Variants in PLEKHB2 observed in about 807,000 individuals in gnomAD.
PLEKHB2 encodes the protein pleckstrin homology domain containing B2.
Under a neutral mutation model 36.5 loss-of-function variants are expected in PLEKHB2, and 31 were observed. The observed-to-expected ratio is 0.85, with a 90% CI of 0.64 to 1.15. The LOEUF is 1.15. Ranked by LOEUF, PLEKHB2 falls within the 50% of genes most tolerant of loss-of-function variation. The probability of loss-of-function intolerance (pLI) is 0.00; values close to 1 mark genes in which losing one functional copy is unlikely to be tolerated. For synonymous variants in PLEKHB2, 119 were observed against 112.0 expected (o/e 1.06, Z -0.39); for missense variants, 262 against 295.3 (o/e 0.89, Z 0.83).
intron 1 of PLEKHB2, among the ~76,000 whole-genome samples, chr2:131,118,652 T>C (rs377566460): frequency 5.5e-4 from 83 of 149,688 alleles, no homozygotes; most frequent in African/African-American, 2.0e-3. Flanking sequence ...TATCACGAGG[T>C]CAGGAGATCG....
intron 1 of PLEKHB2, among the ~76,000 whole-genome samples, chr2:131,112,811 C>T (rs1310673539): frequency 6.6e-6 from 1 of 152,214 alleles, no homozygotes; most frequent in Non-Finnish European, 1.5e-5. Context: ...TCCCTTTAAA[C>T]AGTTAACCCT....
At chr2:131,137,981 A>G (rs1157054869) in intron 6 of PLEKHB2, among the ~76,000 whole-genome samples, 3 of 146,784 alleles carry the variant, frequency 2.0e-5, no homozygotes, top group Admixed American at 6.8e-5. Flanking sequence ...CTCTGATAAC[A>G]TCCCTGTTAG....
At chr2:131,127,350 G>A (rs554515608) in intron 4 of PLEKHB2, among the ~76,000 whole-genome samples, 1 of 152,186 alleles carries the variant, frequency 6.6e-6, no homozygotes, top group Non-Finnish European at 1.5e-5. Flanking sequence ...CTCTGCCTCT[G>A]TTGTCACATG....
At chr2:131,109,667 G>A (rs930172315) in intron 1 of PLEKHB2, among the ~76,000 whole-genome samples, 6 of 151,964 alleles carry the variant, frequency 3.9e-5, no homozygotes, top group Non-Finnish European at 7.4e-5. Context: ...TCCAGCCTGG[G>A]CAACAAGAGC....
chr2:131,121,318 G>A (rs1420224276), intron 2 of PLEKHB2, among the ~76,000 whole-genome samples: 8 of 152,186 alleles, frequency 5.3e-5, no homozygotes, highest in Middle Eastern at 3.4e-3. Context: ...GCGCGATCTC[G>A]GCTCACCGCA....
chr2:131,141,639 CAAA>C (rs771541896), intron 7 of PLEKHB2, among the ~76,000 whole-genome samples: 4 of 57,140 alleles, frequency 7.0e-5, no homozygotes, highest in African/African-American at 9.7e-5. Flanking sequence ...GACTCCGTCT[CAAA>C]AAAAAAAAAA....
rs138450500 is a variant in PLEKHB2, at chr2:131,118,867, CAAAAAAAAAAAAAAAAAAAAA to C, written c.-8-2056_-8-2036del. The C allele has an allele frequency of 8.8e-5, 4 of 45,216 alleles. 2 individuals are homozygous for C. In the South Asian group the frequency reaches 6.3e-3, roughly 72 times the overall value. The allele number at this position is 45,216 out of a possible 1,614,324, so 2.8% of individuals were successfully genotyped here. A position where few individuals can be genotyped will look rare whatever the true frequency, so the allele number is the denominator to read the frequency against. ...TGGGTGACAGAGCAAGATTCCGTCT[CAAAAAAAAAAAAAAAAAAAAA>C]AAAAAAAAAAGCTAAAGCAGAAAAC... On this transcript the variant is annotated intron_variant, in intron 1 of 7. Coordinates refer to ENST00000693505, the MANE Select transcript of PLEKHB2 (RefSeq NM_001100623.2).
chr2:131,115,143 G>T (rs1485903976), intron 1 of PLEKHB2, among the ~76,000 whole-genome samples: 1 of 152,084 alleles, frequency 6.6e-6, no homozygotes, highest in Non-Finnish European at 1.5e-5. Context: ...GCAGGCAAGA[G>T]AACTTGTGCG....
At chr2:131,140,890 T>C (rs930816409) in intron 7 of PLEKHB2, among the ~76,000 whole-genome samples, 1 of 152,112 alleles carries the variant, frequency 6.6e-6, no homozygotes, top group Non-Finnish European at 1.5e-5. Context: ...CGATGGCCAC[T>C]GTGAAGTGAG....
intron 2 of PLEKHB2, among the ~76,000 whole-genome samples, chr2:131,121,586 A>T (rs2104839727): frequency 6.6e-6 from 1 of 152,184 alleles, no homozygotes; most frequent in Non-Finnish European, 1.5e-5. Flanking sequence ...GACTGCCTGG[A>T]TCTAACTGAG....
At chr2:131,127,166 A>G (rs1697186103) in intron 4 of PLEKHB2, 1 of 185,442 alleles carries the variant, frequency 5.4e-6, no homozygotes, top group Non-Finnish European at 1.1e-5. Flanking sequence ...AGTGACGGAA[A>G]TGGCAGAAAT....
Position 131,148,066 on chromosome 2 carries a change from G to A in PLEKHB2, c.*1293G>A, listed in dbSNP as rs1330235192. 2.0e-5 allele frequency: 3 copies of A among 152,418 alleles called. No individual in the cohort carries two copies. The highest frequency in any genetic ancestry group is 7.2e-5 in the African/African-American group (3 of 41,456). 9.4% of individuals were successfully genotyped at this position (152,418 alleles called of 1,614,324 possible). A position where few individuals can be genotyped will look rare whatever the true frequency, so the allele number is the denominator to read the frequency against. On this transcript the variant is annotated 3_prime_UTR_variant, in exon 8 of 8. Transcript: ENST00000693505. ...TCACTCTGAAGGCCCATCCTGTGCA[G>A]AAGTGGGACTCTGTGGCTGTTCACT...
chr2:131,149,531 T>C lies in PLEKHB2; in HGVS notation c.*2758T>C, dbSNP rs1699532380. The C allele has an allele frequency of 6.6e-6, 1 of 152,252 alleles. No homozygotes were observed. Among genetic ancestry groups the C allele is most frequent in the Admixed American group, 6.5e-5 (1 of 15,286 alleles). 9.4% of individuals were successfully genotyped at this position (152,252 alleles called of 1,614,324 possible). A position where few individuals can be genotyped will look rare whatever the true frequency, so the allele number is the denominator to read the frequency against. On this transcript the variant is annotated 3_prime_UTR_variant, in exon 8 of 8. Transcript: ENST00000693505. ...ATCATTTGTGAACAAGGCCAGACTTTGCCCATTTTAGGCTATCCAGGACTT... is the reference window on the plus strand; with the variant it reads ...ATCATTTGTGAACAAGGCCAGACTTCGCCCATTTTAGGCTATCCAGGACTT...
intron 7 of PLEKHB2, 30 bp from the exon 8 acceptor site, chr2:131,146,607 C>T (rs373923331): frequency 2.5e-6 from 4 of 1,593,716 alleles, no homozygotes; most frequent in Non-Finnish European, 3.4e-6. Flanking sequence ...AACCGCTGCT[C>T]AGAAATCTGC....
intron 1 of PLEKHB2, among the ~76,000 whole-genome samples, chr2:131,111,529 C>T (rs1235213727): frequency 1.1e-4 from 16 of 147,364 alleles, no homozygotes; most frequent in Non-Finnish European, 2.1e-4. Context: ...TCACTCCAGT[C>T]ACCCAGGCTG....
intron 4 of PLEKHB2, among the ~76,000 whole-genome samples, chr2:131,127,577 A>C (rs1697220801): frequency 6.6e-6 from 1 of 152,218 alleles, no homozygotes; most frequent in Non-Finnish European, 1.5e-5. Flanking sequence ...CATAATAGAG[A>C]CTTTTGAGAA....
At chr2:131,123,302 A>G (rs900867409) in intron 2 of PLEKHB2, among the ~76,000 whole-genome samples, 1 of 152,342 alleles carries the variant, frequency 6.6e-6, no homozygotes, top group Admixed American at 6.5e-5. Context: ...GTTGTAGAGC[A>G]GCAGAGATAC....
chr2:131,122,160 G>A (rs973742892), intron 2 of PLEKHB2, among the ~76,000 whole-genome samples: 7 of 152,056 alleles, frequency 4.6e-5, no homozygotes, highest in African/African-American at 1.4e-4. Context: ...CTCCCAAAGT[G>A]CTGGGATTAC....
intron 1 of PLEKHB2, among the ~76,000 whole-genome samples, chr2:131,117,492 A>G (rs1241142458): frequency 1.3e-5 from 2 of 152,154 alleles, no homozygotes; most frequent in Non-Finnish European, 2.9e-5. Context: ...CCACGTTTTT[A>G]TATTCACTGT....
Sources: allele counts gnomAD v4.1 joint callset (sites outside exome capture counted in the v4.1 genomes callset), GRCh38; gene constraint gnomAD v4.1.1; transcripts MANE v1.5; gene names NCBI Gene and HGNC (gene_info 2026-07-23, HGNC 2026-07-21).